Variants in MADD observed in about 807,000 individuals in gnomAD.
MADD encodes the protein MAP kinase activating death domain, also known as MAP kinase-activating death domain protein.
In MADD, 109 loss-of-function variants were observed where a neutral mutation model predicts 176.7. The observed-to-expected ratio is 0.62, with a 90% CI of 0.53 to 0.72. The LOEUF is 0.72. Ranked by LOEUF, MADD falls within the 30% of genes least tolerant of loss-of-function variation. The probability of loss-of-function intolerance (pLI) is 0.00; values close to 1 mark genes in which losing one functional copy is unlikely to be tolerated. For missense variants in MADD, 1,914 were observed against 2,045.5 expected, an observed-to-expected ratio of 0.94 and a Z score of 1.24; for synonymous variants, 771 against 771.3, an observed-to-expected ratio of 1.00 and a Z score of 0.01.
rs989477274 is a variant in MADD, at chr11:47,279,171, A to G, written c.1290+92A>G. On this transcript the variant is annotated intron_variant, in intron 7 of 32. Transcript: ENST00000402192. Reference sequence around the variant, plus strand: ...TATTCTCAGAGCCAATTTCCTATCAAACTTCAAGTGGAGTAGTTTTCTTCA... The same window carrying G: ...TATTCTCAGAGCCAATTTCCTATCAGACTTCAAGTGGAGTAGTTTTCTTCA... 8 of 1,226,892 alleles carry G rather than the reference A, an allele frequency of 6.5e-6. No homozygotes were observed. The East Asian group carries it at 1.3e-4, about 20-fold the overall frequency. 76.0% of individuals were successfully genotyped at this position (1,226,892 alleles called of 1,614,324 possible).
intron 2 of MADD, 132 bp downstream of exon 2, chr11:47,274,108 T>C: frequency 2.4e-6 from 2 of 839,770 alleles, no homozygotes; most frequent in Non-Finnish European, 3.8e-6. Context: ...GATGGGAGCA[T>C]CGAAGCCAGT....
chr11:47,329,326 G>A (rs558433447), exon 33 of MADD: 32 of 603,800 alleles, frequency 5.3e-5, no homozygotes, highest in South Asian at 1.7e-4. Context: ...TGTCTTGAGC[G>A]TGTCCACCTT....
intron 22 of MADD, among the ~76,000 whole-genome samples, chr11:47,298,645 A>G (rs2075112271): frequency 1.3e-5 from 2 of 152,110 alleles, no homozygotes; most frequent in South Asian, 4.1e-4. Context: ...CTCTTCACTC[A>G]TTTCATCGTG....
intron 27 of MADD, among the ~76,000 whole-genome samples, chr11:47,317,394 T>C (rs2093375163): frequency 6.6e-6 from 1 of 152,222 alleles, no homozygotes; most frequent in African/African-American, 2.4e-5. Context: ...ATATAATTCT[T>C]AAGTGTCTCA....
In MADD at chr11:47,311,907, G is replaced by A; in HGVS notation, c.4089+65G>A. 3 of 999,842 alleles carry A rather than the reference G, an allele frequency of 3.0e-6. No individual in the cohort carries two copies. The South Asian group carries it at 4.0e-5, about 13-fold the overall frequency. 61.9% of individuals were successfully genotyped at this position (999,842 alleles called of 1,614,324 possible). A position where few individuals can be genotyped will look rare whatever the true frequency, so the allele number is the denominator to read the frequency against. The stretch of plus-strand genomic sequence containing the variant: ...CATTTCTTGGTTTGTGTCACTTGCA[G>A]TCCAGTTCACCCCGTTTTTGAAAAT... On this transcript the variant is annotated intron_variant, in intron 26 of 32. Transcript: ENST00000402192.
At chr11:47,301,274 G>A (rs1011327946) in intron 22 of MADD, among the ~76,000 whole-genome samples, 6 of 151,774 alleles carry the variant, frequency 4.0e-5, no homozygotes, top group Non-Finnish European at 5.9e-5. Context: ...CACCACAACC[G>A]GCTAAATTTT....
At chr11:47,313,472 A>G (rs1417608990) in intron 26 of MADD, among the ~76,000 whole-genome samples, 2 of 137,398 alleles carry the variant, frequency 1.5e-5, no homozygotes, top group African/African-American at 5.6e-5. Context: ...ATGCTGCCAC[A>G]CCTGGCTAGT....
At chr11:47,289,235 G>A (rs990688123) in intron 15 of MADD, among the ~76,000 whole-genome samples, 156 bp from the exon 17 acceptor site, 3 of 152,112 alleles carry the variant, frequency 2.0e-5, no homozygotes, top group African/African-American at 7.2e-5. Flanking sequence ...CCTCCACATT[G>A]CCATGGCTGG....
Position 47,308,673 on chromosome 11 carries a change from G to A in MADD, c.3725G>A (p.Arg1242Gln), listed in dbSNP as rs755092231. The A allele has an allele frequency of 2.5e-6, 4 of 1,613,892 alleles. No homozygotes were observed. The highest frequency in any genetic ancestry group is 2.2e-5 in the East Asian group (1 of 44,888). ...CGTACTTCTGAAGATGTGAGCCAGC[G>A]AGTCTATCTCTATGAGGGACTCCTA... Residue 1242 changes from arginine to glutamine, a missense_variant, in exon 23 of 33, where the codon CGA becomes CAA. By Grantham distance (43) the Arg-to-Gln change is conservative. Around this residue, in one of 2 missense-constraint regions of MADD, gnomAD observed 1,767 missense variants for 1,836.0 expected, o/e 0.96. Transcript: ENST00000402192.
At chr11:47,313,013 A>G (rs1458256542) in intron 26 of MADD, among the ~76,000 whole-genome samples, 1 of 152,182 alleles carries the variant, frequency 6.6e-6, no homozygotes, top group Non-Finnish European at 1.5e-5. Flanking sequence ...ACAATTAATA[A>G]ACCATGGTTA....
At chr11:47,324,190 G>A in intron 28 of MADD, 75 bp from the exon 32 acceptor site, 4 of 1,348,718 alleles carry the variant, frequency 3.0e-6, no homozygotes, top group Middle Eastern at 1.8e-4. Context: ...CCAGCCTTCA[G>A]TGGCCATTAT....
exon 33 of MADD, chr11:47,329,951 A>G (rs938107703): frequency 6.6e-6 from 1 of 152,664 alleles, no homozygotes; most frequent in African/African-American, 2.4e-5. Flanking sequence ...TGGGCAAGAA[A>G]TGACTGTAAA....
intron 1 of MADD, among the ~76,000 whole-genome samples, chr11:47,271,356 A>C (rs962362852): frequency 6.6e-6 from 1 of 152,234 alleles, no homozygotes; most frequent in African/African-American, 2.4e-5. Flanking sequence ...TATCTTTGCA[A>C]TCTGAATAAC....
Position 47,273,966 on chromosome 11 carries a change from G to A in MADD, c.52G>A (p.Val18Ile), listed in dbSNP as rs2047337607. The A allele has an allele frequency of 6.2e-7, 1 of 1,613,940 alleles. No homozygotes were observed. The highest frequency in any genetic ancestry group is 8.5e-7 in the Non-Finnish European group (1 of 1,179,884). ...TCGGTTACTTGACTATCTAGTGATC[G>A]TAGGGGCCAGGTAACCAAGAAGAGA... Residue 18 changes from valine (V) to isoleucine (I), a missense_variant, in exon 2 of 33, where the codon GTA (valine) becomes ATA (isoleucine). Physicochemically the swap from Val to Ile is conservative, Grantham distance 29. Coordinates refer to ENST00000402192, the Ensembl canonical transcript of MADD.
intron 27 of MADD, among the ~76,000 whole-genome samples, chr11:47,317,026 G>A (rs1249279452): frequency 6.6e-6 from 1 of 152,242 alleles, no homozygotes; most frequent in Non-Finnish European, 1.5e-5. Flanking sequence ...TTATAGGCGT[G>A]AGCCACCCCG....
chr11:47,324,747 G>A (rs1219980344), intron 30 of MADD, 170 bp downstream of exon 33: 7 of 707,368 alleles, frequency 9.9e-6, no homozygotes, highest in East Asian at 8.1e-5. Flanking sequence ...GCACAGTGAC[G>A]TTGGCGACCA....
intron 10 of MADD, among the ~76,000 whole-genome samples, chr11:47,283,902 T>G (rs1217947155): frequency 1.1e-4 from 16 of 152,206 alleles, no homozygotes; most frequent in Admixed American, 1.0e-3. Context: ...GAGATGGTGT[T>G]TCACCATGTT....
intron 22 of MADD, among the ~76,000 whole-genome samples, chr11:47,298,034 C>A (rs2074473349): frequency 6.6e-6 from 1 of 151,982 alleles, no homozygotes; most frequent in Non-Finnish European, 1.5e-5. Flanking sequence ...GTGATCTGCC[C>A]ACCTCGGCCT....
At chr11:47,327,469 C>T (rs1302233889) in intron 31 of MADD, 1 of 985,336 alleles carries the variant, frequency 1.0e-6, no homozygotes, top group East Asian at 1.1e-4. Flanking sequence ...GCTCGTGCTG[C>T]CTCTCCCCAG....
Sources: gnomAD v4.1 joint callset for allele counts (sites outside exome capture counted in the v4.1 genomes callset) on GRCh38, gnomAD v4.1.1 for gene constraint, gnomAD v4.1.1 regional missense constraint, MANE v1.5 for transcripts, NCBI Gene and HGNC (gene_info 2026-07-23, HGNC 2026-07-21) for gene names.